The following TMEM106C variants were observed in gnomAD, a reference collection of about 807,000 sequenced individuals.
The protein encoded by TMEM106C is transmembrane protein 106C.
A neutral mutation model predicts 30.8 loss-of-function variants in TMEM106C; 27 were observed. The ratio of observed to expected loss-of-function variants is 0.88; its 90% CI spans 0.65 to 1.21. The LOEUF is 1.21. TMEM106C is among the 50% of genes most tolerant of loss of function. The pLI, the probability that TMEM106C is intolerant of heterozygous loss-of-function variation, is 0.00. For synonymous variants in TMEM106C, 123 were observed against 118.8 expected (o/e 1.04, Z -0.23); for missense variants, 288 against 307.8 (o/e 0.94, Z 0.48).
rs1938225613 is a variant in TMEM106C at position 47,966,400 on chromosome 12, A to C, written c.552+171A>C. On this transcript the variant is annotated intron_variant, in intron 5 of 7. Transcript: ENST00000429772. ...TAATTATAAATAATTGTGAGAAAAA[A>C]CAGCTATCATTTAAGCATTTGGGGA... The C allele has an allele frequency of 6.3e-6, 5 of 791,486 alleles. No individual in the cohort carries two copies. In the Admixed American group the frequency reaches 8.9e-5, roughly 14 times the overall value. The allele number at this position is 791,486 out of a possible 1,614,324, so 49.0% of individuals were successfully genotyped here.
intron 3 of TMEM106C, 107 bp from the exon 4 acceptor site, chr12:47,965,731 A>T: frequency 1.4e-6 from 2 of 1,388,390 alleles, no homozygotes; most frequent in Non-Finnish European, 2.0e-6. Flanking sequence ...TGGCTCTTGG[A>T]ACTTCCCTTT....
chr12:47,964,480 C>T (rs563066457), intron 2 of TMEM106C, 57 bp downstream of exon 2: 1 of 1,565,066 alleles, frequency 6.4e-7, no homozygotes, highest in Non-Finnish European at 8.8e-7. Context: ...CGGAGTTCTC[C>T]TGTCTGCCCA....
At chr12:47,967,548 A>G (rs1318973223) in intron 7 of TMEM106C, among the ~76,000 whole-genome samples, 1 of 152,248 alleles carries the variant, frequency 6.6e-6, no homozygotes, top group Non-Finnish European at 1.5e-5. Flanking sequence ...AGTCATGAAC[A>G]GAAAAGCTTT....
rs1009146927 is a variant in TMEM106C at position 47,968,589 on chromosome 12, G to A, written c.*360G>A. 2.8e-6 allele frequency: 1 copy of A among 359,390 alleles called. No individual in the cohort carries two copies. Among genetic ancestry groups the A allele is most frequent in the African/African-American group, 2.1e-5 (1 of 46,908 alleles). The allele number at this position is 359,390 out of a possible 1,614,324, so 22.3% of individuals were successfully genotyped here. On this transcript the variant is annotated 3_prime_UTR_variant, in exon 8 of 8. Transcript: ENST00000429772. Reference sequence around the variant, plus strand: ...GTGATGTGGAGCTAGGATTGTGAGTGACCTGCAGGCCATTATCAGTGCCTC... The same window carrying A: ...GTGATGTGGAGCTAGGATTGTGAGTAACCTGCAGGCCATTATCAGTGCCTC...
Position 47,966,741 on chromosome 12 carries a change from A to C in TMEM106C, c.602+9A>C. ...CCGTTTTCCTATGTGTAGTAAGGAC[A>C]CTGTTCTCTCTGTGTGTGCTCTCTA... On this transcript the variant is annotated intron_variant, in intron 6 of 7. Coordinates refer to ENST00000429772, the MANE Select transcript of TMEM106C (RefSeq NM_001143842.2). 6.2e-7 allele frequency: 1 copy of C among 1,614,028 alleles called. No individual in the cohort carries two copies. The highest frequency in any genetic ancestry group is 8.5e-7 in the Non-Finnish European group (1 of 1,179,898).
At chr12:47,965,191 A>T in intron 2 of TMEM106C, 91 bp from the exon 3 acceptor site, 1 of 1,018,502 alleles carries the variant, frequency 9.8e-7, no homozygotes, top group South Asian at 1.4e-5. Flanking sequence ...TCATTCCAGA[A>T]GAATATTTGT....
chr12:47,964,303 G>A lies in TMEM106C; in HGVS notation c.67G>A (p.Asp23Asn), dbSNP rs1938147792. The A allele has an allele frequency of 6.2e-7, 1 of 1,614,170 alleles. No individual in the cohort carries two copies. Among genetic ancestry groups the A allele is most frequent in the Non-Finnish European group, 8.5e-7 (1 of 1,180,024 alleles). Residue 23 changes from aspartate to asparagine, a missense_variant, in exon 2 of 8, where the codon GAC becomes AAC. Physicochemically the swap from Asp to Asn is conservative, Grantham distance 23. Coordinates refer to ENST00000429772, the MANE Select transcript of TMEM106C (RefSeq NM_001143842.2). The stretch of plus-strand genomic sequence containing the variant: ...CAGGCGAAAGCAAGAAGATGACAGG[G>A]ACGGTTTGCTGGCTGAACGAGAGCA... ...SCRRKQEDDR[D>N]GLLAEREQEE...
Position 47,967,260 on chromosome 12 carries a change from C to T in TMEM106C, c.655C>T (p.Arg219Ter), listed in dbSNP as rs549670817. 8.1e-6 allele frequency: 13 copies of T among 1,614,102 alleles called. No homozygotes were observed. The highest frequency in any genetic ancestry group is 4.4e-5 in the South Asian group (4 of 91,076). Residue 219 changes from arginine (R) to a stop codon, truncating the protein, a stop_gained and splice_region_variant, in exon 7 of 8, where the codon CGA becomes TGA. Transcript: ENST00000429772. LOFTEE classifies it high-confidence loss of function. ...ILVHNIVIFM[R>*]TSVKISYIGL... ...GGTGCACAACATAGTGATCTTCATG[C>T]GGTGCGTCTCTCTTCCCTATCCCGA...
rs1451881803 is a variant in TMEM106C, at chr12:47,968,134, A to G, written c.658A>G (p.Thr220Ala). 6.2e-7 allele frequency: 1 copy of G among 1,610,906 alleles called. No homozygotes were observed. Among genetic ancestry groups the G allele is most frequent in the South Asian group, 1.1e-5 (1 of 91,006 alleles). ...TCTTCTTGGTTTTCTTTTCCCTAGA[A>G]CTTCAGTGAAGATTTCATACATTGG... ...LVHNIVIFMR[T>A]SVKISYIGLM... Residue 220 changes from threonine (T) to alanine (A), a missense_variant and splice_region_variant, in exon 8 of 8, where the codon ACT (threonine) becomes GCT (alanine). By Grantham distance (58) the Thr-to-Ala change is moderately conservative. Transcript: ENST00000429772.
chr12:47,967,018 A>G, intron 6 of TMEM106C, 190 bp from the exon 7 acceptor site: 1 of 691,064 alleles, frequency 1.4e-6, no homozygotes, highest in African/African-American at 1.8e-5. Flanking sequence ...GTTTGAAAAA[A>G]CAGAAAGTGG....
rs1278621883 is a variant in TMEM106C, at chr12:47,965,953, G to C, written c.367G>C (p.Val123Leu). Residue 123 changes from valine to leucine, a missense_variant, in exon 4 of 8, where the codon GTC (valine) becomes CTC (leucine). Coordinates refer to ENST00000429772, the MANE Select transcript of TMEM106C (RefSeq NM_001143842.2). ...TGATGACGGCATCAAAGTGGTGAAA[G>C]TCACATTTAATAAGCAAGACTCCCT... ...VDDDGIKVVK[V>L]TFNKQDSLVI... is the part of the protein sequence containing the mutation. 1.9e-6 allele frequency: 3 copies of C among 1,614,242 alleles called. No individual in the cohort carries two copies. Among genetic ancestry groups the C allele is most frequent in the Non-Finnish European group, 2.5e-6 (3 of 1,180,050 alleles).
At chr12:47,967,604 C>A (rs1938283579) in intron 7 of TMEM106C, among the ~76,000 whole-genome samples, 1 of 152,196 alleles carries the variant, frequency 6.6e-6, no homozygotes, top group Non-Finnish European at 1.5e-5. Context: ...TCCTCTCTAG[C>A]CACACAAATT....
At chr12:47,963,915 G>A (rs1438145599) in intron 1 of TMEM106C, 4 of 427,844 alleles carry the variant, frequency 9.3e-6, no homozygotes, top group Non-Finnish European at 1.3e-5. Context: ...GGGCGAGGCT[G>A]GACCAGGTGG....
chr12:47,966,618 A>G, intron 5 of TMEM106C, 65 bp from the exon 6 acceptor site: 1 of 1,554,214 alleles, frequency 6.4e-7, no homozygotes, highest in Non-Finnish European at 8.9e-7. Flanking sequence ...TTGGATTGCT[A>G]ATAATAATAC....
At chr12:47,966,301 C>T in intron 5 of TMEM106C, 72 bp downstream of exon 5, 1 of 1,543,064 alleles carries the variant, frequency 6.5e-7, no homozygotes, top group South Asian at 1.2e-5. Context: ...AATGCCATAG[C>T]TGTGTCACTT....
Position 47,966,150 on chromosome 12 carries a change from A to G in TMEM106C, c.473A>G (p.Gln158Arg). The change falls in exon 5 of 8, where the codon CAG becomes CGG. Residue 158 changes from glutamine to arginine, a missense_variant. Gln to Arg is a conservative substitution (Grantham distance 43, BLOSUM62 1). Coordinates refer to ENST00000429772, the MANE Select transcript of TMEM106C (RefSeq NM_001143842.2). ...YTVAVTSLSS[Q>R]IQYMNTVVST... Reference sequence around the variant, plus strand: ...GTGGCAGTGACCAGCCTGTCCAGCCAGATTCAGTACATGAACACAGTGGTC... The same window carrying G: ...GTGGCAGTGACCAGCCTGTCCAGCCGGATTCAGTACATGAACACAGTGGTC... 1.2e-6 allele frequency: 2 copies of G among 1,614,256 alleles called. No individual in the cohort carries two copies. The highest frequency in any genetic ancestry group is 1.1e-5 in the South Asian group (1 of 91,084).
chr12:47,967,998 T>C, intron 7 of TMEM106C, 135 bp from the exon 8 acceptor site: 1 of 628,724 alleles, frequency 1.6e-6, no homozygotes. Context: ...GCCTCCTGGT[T>C]ACATAACCAT....
intron 7 of TMEM106C, 99 bp downstream of exon 7, chr12:47,967,360 GC>G (rs1938273291): frequency 1.6e-6 from 2 of 1,221,360 alleles, no homozygotes; most frequent in Non-Finnish European, 2.4e-6. Context: ...GAGGCACCTA[GC>G]CCGAGGGGAC....
intron 5 of TMEM106C, chr12:47,966,463 A>G (rs2136483684): frequency 1.4e-6 from 1 of 697,330 alleles, no homozygotes; most frequent in South Asian, 2.0e-5. Context: ...TTGCTACAAA[A>G]TAAGAAGCAG....
Sources: allele counts gnomAD v4.1 joint callset (sites outside exome capture counted in the v4.1 genomes callset), GRCh38; gene constraint gnomAD v4.1.1; transcripts MANE v1.5; gene names NCBI Gene and HGNC (gene_info 2026-07-23, HGNC 2026-07-21).